The following TBL1XR1 variants were observed in gnomAD, a reference collection of about 807,000 sequenced individuals.
The protein encoded by TBL1XR1 is TBL1X/Y related 1, also known as F-box-like/WD repeat-containing protein TBL1XR1.
A neutral mutation model predicts 66.9 loss-of-function variants in TBL1XR1; 5 were observed. That is an observed-to-expected ratio of 0.07 (90% confidence interval 0.04 to 0.16). TBL1XR1 has a LOEUF of 0.16. Ranked by LOEUF, TBL1XR1 falls within the 10% of genes least tolerant of loss-of-function variation. TBL1XR1 has a pLI of 1.00. For missense variants in TBL1XR1, 238 were observed against 623.2 expected, an observed-to-expected ratio of 0.38 and a Z score of 6.58; for synonymous variants, 210 against 206.0, an observed-to-expected ratio of 1.02 and a Z score of -0.17.
At chr3:177,195,202 A>G (rs894435521) in intron 1 of TBL1XR1, among the ~76,000 whole-genome samples, 4 of 152,118 alleles carry the variant, frequency 2.6e-5, no homozygotes, top group African/African-American at 9.7e-5. Flanking sequence ...GTTGAAAAAA[A>G]AAATCATATT....
chr3:177,022,646 T>C lies in TBL1XR1; in HGVS notation c.*2852A>G, dbSNP rs961961040. On this transcript the variant is annotated 3_prime_UTR_variant, in exon 16 of 16. Coordinates refer to ENST00000457928, the MANE Select transcript of TBL1XR1 (RefSeq NM_024665.7). ...ACAACAAATAGCATAGAAAAACTAC[T>C]GGATTCAATTGATCATCAGGAATAA... 6 of 152,698 alleles carry C rather than the reference T, an allele frequency of 3.9e-5. No homozygotes were observed. The highest frequency in any genetic ancestry group is 1.4e-4 in the African/African-American group (6 of 41,586). The allele number at this position is 152,698 out of a possible 1,614,324, so 9.5% of individuals were successfully genotyped here. A position where few individuals can be genotyped will look rare whatever the true frequency, so the allele number is the denominator to read the frequency against.
chr3:177,102,848 G>A (rs956893319), intron 1 of TBL1XR1, among the ~76,000 whole-genome samples: 2 of 152,094 alleles, frequency 1.3e-5, no homozygotes, highest in African/African-American at 4.8e-5. Context: ...ACCATCCAGA[G>A]AGAGAAATGA....
chr3:177,172,649 A>G (rs58127384), intron 1 of TBL1XR1, among the ~76,000 whole-genome samples: 3,146 of 48,404 alleles, frequency 0.065, 143 homozygotes, highest in African/African-American at 0.13. Flanking sequence ...GAGAGAGAGA[A>G]AGAGAGAGAG....
At chr3:177,188,498 A>T (rs1445538621) in intron 1 of TBL1XR1, among the ~76,000 whole-genome samples, 1 of 151,882 alleles carries the variant, frequency 6.6e-6, no homozygotes, top group Non-Finnish European at 1.5e-5. Context: ...AGTGAGCCAA[A>T]ATTGCGCCAT....
chr3:177,077,172 G>A (rs926908962), intron 2 of TBL1XR1, among the ~76,000 whole-genome samples: 2 of 152,124 alleles, frequency 1.3e-5, no homozygotes, highest in Non-Finnish European at 2.9e-5. Flanking sequence ...CCTTACAACA[G>A]TACTTTCGCT....
chr3:177,132,930 T>A (rs1236278529), intron 1 of TBL1XR1, among the ~76,000 whole-genome samples: 1 of 152,170 alleles, frequency 6.6e-6, no homozygotes, highest in African/African-American at 2.4e-5. Context: ...ACCTCAACAA[T>A]ACATATACTA....
At chr3:177,026,144 T>C (rs1187637799) in intron 15 of TBL1XR1, 4 of 508,644 alleles carry the variant, frequency 7.9e-6, no homozygotes, top group African/African-American at 4.1e-5. Context: ...ATATTAAAAA[T>C]AACTGTCCAT....
chr3:177,189,664 A>AAAAAAAAAAAAAAAAAAAAAAAATTTC (rs57549428), intron 1 of TBL1XR1, among the ~76,000 whole-genome samples: 8 of 141,920 alleles, frequency 5.6e-5, no homozygotes, highest in African/African-American at 1.9e-4. Flanking sequence ...AAAAAAAAAA[A>AAAAAAAAAAAAAAAAAAAAAAAATTTC]AGAAGGATGT....
At chr3:177,034,408 A>G (rs1714469600) in intron 12 of TBL1XR1, 83 bp from the exon 13 acceptor site, 5 of 1,033,998 alleles carry the variant, frequency 4.8e-6, no homozygotes, top group African/African-American at 1.7e-5. Flanking sequence ...TTAAAATATT[A>G]TATGGACAGT....
chr3:177,117,416 C>CA (rs1378047961), intron 1 of TBL1XR1, among the ~76,000 whole-genome samples: 1 of 152,140 alleles, frequency 6.6e-6, no homozygotes. Context: ...TAAAATAGTA[C>CA]CTTTATTTTG....
At chr3:177,190,581 G>A (rs575424972) in intron 1 of TBL1XR1, among the ~76,000 whole-genome samples, 3 of 152,120 alleles carry the variant, frequency 2.0e-5, no homozygotes, top group Non-Finnish European at 4.4e-5. Flanking sequence ...GCCTCCCAAA[G>A]TGCAGAGATT....
chr3:177,034,084 A>C (rs1714414359), intron 13 of TBL1XR1, 114 bp downstream of exon 13: 1 of 825,858 alleles, frequency 1.2e-6, no homozygotes, highest in South Asian at 2.4e-5. Context: ...TGAAATTGGA[A>C]AAAAAAAAAA....
intron 1 of TBL1XR1, among the ~76,000 whole-genome samples, chr3:177,144,699 G>A (rs139290226): frequency 0.069 from 10,406 of 151,806 alleles, 523 homozygotes; most frequent in Admixed American, 0.17. Flanking sequence ...CTTGCAGTGC[G>A]CCGAGATTGC....
At chr3:177,112,390 G>A (rs1221428195) in intron 1 of TBL1XR1, among the ~76,000 whole-genome samples, 2 of 151,792 alleles carry the variant, frequency 1.3e-5, no homozygotes, top group African/African-American at 4.8e-5. Flanking sequence ...TTACAGGCAC[G>A]AGCCACGGCC....
intron 2 of TBL1XR1, among the ~76,000 whole-genome samples, chr3:177,072,040 C>T (rs1471281096): frequency 4.6e-5 from 7 of 152,276 alleles, no homozygotes; most frequent in Non-Finnish European, 5.9e-5. Context: ...TGTGCCCTAC[C>T]CAGTCAAGTT....
At chr3:177,055,980 ACT>A (rs1247156503) in intron 3 of TBL1XR1, among the ~76,000 whole-genome samples, 1 of 152,182 alleles carries the variant, frequency 6.6e-6, no homozygotes, top group Non-Finnish European at 1.5e-5. Context: ...TCATTCAGAG[ACT>A]CTACTACTCC....
chr3:177,087,708 A>G (rs1722323488), intron 2 of TBL1XR1, among the ~76,000 whole-genome samples: 2 of 151,680 alleles, frequency 1.3e-5, no homozygotes, highest in Non-Finnish European at 2.9e-5. Context: ...TTTTTTTTAA[A>G]TCATGCAATC....
intron 15 of TBL1XR1, 96 bp downstream of exon 15, chr3:177,026,277 A>G: frequency 1.0e-6 from 1 of 991,660 alleles, no homozygotes; most frequent in Non-Finnish European, 1.5e-6. Flanking sequence ...CTTAAAATTT[A>G]TTTTGAAAAA....
chr3:177,176,449 G>C (rs904598154), intron 1 of TBL1XR1, among the ~76,000 whole-genome samples: 1 of 148,940 alleles, frequency 6.7e-6, no homozygotes, highest in Admixed American at 6.8e-5. Context: ...CACCCACCTC[G>C]GCCTCCCAAA....
Sources: gnomAD v4.1 joint callset for allele counts (sites outside exome capture counted in the v4.1 genomes callset) on GRCh38, gnomAD v4.1.1 for gene constraint, MANE v1.5 for transcripts, NCBI Gene and HGNC (gene_info 2026-07-23, HGNC 2026-07-21) for gene names.